The following ARHGEF37 variants were observed in gnomAD, a reference collection of about 807,000 sequenced individuals.
ARHGEF37 encodes the protein Rho guanine nucleotide exchange factor 37.
ARHGEF37 carries 55 observed loss-of-function variants against 71.1 expected under a neutral mutation model. That is an observed-to-expected ratio of 0.77 (90% CI 0.62 to 0.97). ARHGEF37 has a LOEUF of 0.97. Among genes scored for constraint, ARHGEF37 ranks in the 50% least tolerant of loss-of-function variants. ARHGEF37 has a pLI of 0.00. For missense variants in ARHGEF37, 765 were observed against 836.8 expected, an observed-to-expected ratio of 0.91 and a Z score of 1.06; for synonymous variants, 327 against 350.6, an observed-to-expected ratio of 0.93 and a Z score of 0.75.
chr5:149,618,869 TG>T (rs1752453581), intron 6 of ARHGEF37, 68 bp from the exon 7 acceptor site: 10 of 1,313,224 alleles, frequency 7.6e-6, no homozygotes, highest in Non-Finnish European at 1.1e-5. Context: ...AGTGAGGACC[TG>T]GAACACTGAA....
At chr5:149,619,257 A>C (rs1189856517) in intron 7 of ARHGEF37, among the ~76,000 whole-genome samples, 1 of 152,136 alleles carries the variant, frequency 6.6e-6, no homozygotes. Flanking sequence ...TGGAGTTCCT[A>C]CCACATAGGG....
At chr5:149,576,377 C>G (rs1295066386) in intron 1 of ARHGEF37, among the ~76,000 whole-genome samples, 1 of 152,186 alleles carries the variant, frequency 6.6e-6, no homozygotes, top group Non-Finnish European at 1.5e-5. Flanking sequence ...GTAGTGAGGC[C>G]TGTGTGAGCT....
intron 10 of ARHGEF37, among the ~76,000 whole-genome samples, chr5:149,625,160 C>T (rs1752649700): frequency 6.6e-6 from 1 of 152,188 alleles, no homozygotes; most frequent in Non-Finnish European, 1.5e-5. Flanking sequence ...CCGCCTCAGC[C>T]TCCCAAAGTG....
At chr5:149,564,541 T>A (rs1026990440) in intron 1 of ARHGEF37, among the ~76,000 whole-genome samples, 2 of 152,064 alleles carry the variant, frequency 1.3e-5, no homozygotes, top group African/African-American at 4.8e-5. Context: ...ACAGACATCC[T>A]CGGCCGGGCG....
chr5:149,563,883 AT>A (rs1255217997), intron 1 of ARHGEF37, among the ~76,000 whole-genome samples: 10 of 150,416 alleles, frequency 6.6e-5, no homozygotes, highest in African/African-American at 2.4e-4. Context: ...ACGTGAAGAT[AT>A]TGAGTTTGAG....
At chr5:149,576,292 G>A (rs1763028720) in intron 1 of ARHGEF37, among the ~76,000 whole-genome samples, 2 of 152,174 alleles carry the variant, frequency 1.3e-5, no homozygotes, top group South Asian at 4.1e-4. Context: ...CCCAGAGAGG[G>A]TATGAGATGC....
intron 12 of ARHGEF37, 114 bp downstream of exon 12, chr5:149,629,080 TG>T (rs1752798335): frequency 2.2e-6 from 3 of 1,338,874 alleles, no homozygotes; most frequent in Non-Finnish European, 3.0e-6. Context: ...GCTGCCACTC[TG>T]TGAGACCAAG....
At chr5:149,554,556 AC>A (rs1183598578) in intron 1 of ARHGEF37, among the ~76,000 whole-genome samples, 1 of 152,178 alleles carries the variant, frequency 6.6e-6, no homozygotes, top group Non-Finnish European at 1.5e-5. Context: ...AGCAAAATGC[AC>A]AAAAATGAGA....
chr5:149,611,013 C>A lies in ARHGEF37; in HGVS notation c.458+1318C>A, dbSNP rs559085791. On this transcript the variant is annotated intron_variant, in intron 4 of 12. Transcript: ENST00000333677. ...TCACCTGCAGGTCAGCTTTGCTGAT[C>A]CTGGCTGGGTTTTTTCATGTATCTG... Among the ~76,000 whole-genome samples the A allele has an allele frequency of 2.0e-5, 3 of 152,328 alleles. No individual in the cohort carries two copies. The South Asian group carries it at 6.2e-4, about 32-fold the overall frequency.
At chr5:149,627,339 AC>A in intron 11 of ARHGEF37, 68 bp downstream of exon 11, 1 of 1,528,656 alleles carries the variant, frequency 6.5e-7, no homozygotes, top group Non-Finnish European at 8.9e-7. Flanking sequence ...CGGTGCAGAG[AC>A]CCGGGCACTC....
At chr5:149,605,797 T>A (rs1175174653) in intron 3 of ARHGEF37, among the ~76,000 whole-genome samples, 1 of 152,210 alleles carries the variant, frequency 6.6e-6, no homozygotes, top group Admixed American at 6.5e-5. Flanking sequence ...AGAGGCTAAG[T>A]AACATTCCCA....
Position 149,555,776 on chromosome 5 carries a change from T to C in ARHGEF37, c.-12+3653T>C, listed in dbSNP as rs76100063. On this transcript the variant is annotated intron_variant, in intron 1 of 2. Coordinates refer to the ARHGEF37 transcript ENST00000505810. ...AGTAGAACACAAATTAGGACAATCA[T>C]GTCCCAGGGATTACTTCTGTGTTCG... Among the ~76,000 whole-genome samples, 2,901 of 152,190 alleles carry C rather than the reference T, an allele frequency of 0.019. 270 individuals carry two copies. The East Asian group carries it at 0.31, about 17-fold the overall frequency.
chr5:149,621,581 G>A, intron 8 of ARHGEF37, 152 bp from the exon 9 acceptor site: 1 of 698,782 alleles, frequency 1.4e-6, no homozygotes, highest in Non-Finnish European at 2.4e-6. Context: ...GGCAGATTGA[G>A]GCCCAGAGAA....
Position 149,634,469 on chromosome 5 carries a change from A to G in ARHGEF37, c.*2278A>G, listed in dbSNP as rs1752973851. On this transcript the variant is annotated 3_prime_UTR_variant, in exon 13 of 13. Transcript: ENST00000333677. ...GGCATAAGGGAGGAAAATAAAATAT[A>G]CTTGGAACCAAGTCTATGTCATGAA... 6.6e-6 allele frequency: 1 copy of G among 152,664 alleles called. No homozygotes were observed. The allele number at this position is 152,664 out of a possible 1,614,324, so 9.5% of individuals were successfully genotyped here.
intron 12 of ARHGEF37, among the ~76,000 whole-genome samples, chr5:149,629,234 TCA>T (rs1752802607): frequency 6.6e-6 from 1 of 152,162 alleles, no homozygotes; most frequent in African/African-American, 2.4e-5. Flanking sequence ...ATTCATTCAT[TCA>T]TTCATTCATT....
chr5:149,581,437 C>T (rs891410307), upstream of ARHGEF37: 3 of 152,124 alleles, frequency 2.0e-5, no homozygotes, highest in Non-Finnish European at 2.9e-5. Context: ...CAGCCACCCC[C>T]TCGCGGCGCA....
chr5:149,603,104 T>C (rs1378900521), intron 3 of ARHGEF37, among the ~76,000 whole-genome samples: 11 of 152,000 alleles, frequency 7.2e-5, no homozygotes, highest in Non-Finnish European at 1.5e-5. Context: ...GGTTAATTTT[T>C]GTATTTTTAG....
chr5:149,609,193 C>CA (rs994794039), intron 3 of ARHGEF37, among the ~76,000 whole-genome samples: 1 of 150,964 alleles, frequency 6.6e-6, no homozygotes, highest in Non-Finnish European at 1.5e-5. Flanking sequence ...TCAAAAGAAA[C>CA]AAAAAAACAA....
In ARHGEF37 at chr5:149,619,047, G is replaced by A. The variant is rs927859419; in HGVS notation, c.894+5G>A. ...GCTTACCTGGACAATCTGCAGGTGA[G>A]GACACTGCAGGGTTCATAAAGGGCG... On this transcript the variant is annotated splice_donor_5th_base_variant and intron_variant, in intron 7 of 12. Coordinates refer to ENST00000333677, the MANE Select transcript of ARHGEF37 (RefSeq NM_001001669.3). 3 of 1,610,528 alleles carry A rather than the reference G, an allele frequency of 1.9e-6. No individual in the cohort carries two copies. Among genetic ancestry groups the A allele is most frequent in the African/African-American group, 2.7e-5 (2 of 74,854 alleles).
Sources: gnomAD v4.1 joint callset for allele counts (sites outside exome capture counted in the v4.1 genomes callset) on GRCh38, gnomAD v4.1.1 for gene constraint, MANE v1.5 for transcripts, NCBI Gene and HGNC (gene_info 2026-07-23, HGNC 2026-07-21) for gene names.